Variants in EAF2 observed in about 807,000 individuals in gnomAD.
The protein encoded by EAF2 is ELL-associated factor 2.
In EAF2, 29 loss-of-function variants were observed where a neutral mutation model predicts 29.4. That is an observed-to-expected ratio of 0.99 (90% confidence interval 0.73 to 1.35). EAF2 has a LOEUF of 1.35. Among genes scored for constraint, EAF2 ranks in the 40% most tolerant of loss-of-function variants. EAF2 has a pLI of 0.00. For synonymous variants in EAF2, 103 were observed against 102.5 expected (o/e 1.00, Z -0.03); for missense variants, 292 against 312.0 (o/e 0.94, Z 0.48).
chr3:121,844,316 T>C, intron 1 of EAF2, 137 bp from the exon 2 acceptor site: 3 of 553,994 alleles, frequency 5.4e-6, no homozygotes, highest in Non-Finnish European at 9.5e-6. Context: ...TGTTTGTTCA[T>C]TTGTAATATG....
intron 5 of EAF2, among the ~76,000 whole-genome samples, chr3:121,876,689 T>A (rs914309703): frequency 6.6e-6 from 1 of 151,900 alleles, no homozygotes; most frequent in South Asian, 2.1e-4. Context: ...TTAGATAAAT[T>A]TGTAGTGAGT....
At chr3:121,841,228 G>GC (rs1265800686) in intron 1 of EAF2, among the ~76,000 whole-genome samples, 1 of 152,198 alleles carries the variant, frequency 6.6e-6, no homozygotes, top group Non-Finnish European at 1.5e-5. Context: ...GGACTACCGG[G>GC]CATGGTGGCT....
chr3:121,839,878 C>A (rs980304634), intron 1 of EAF2, among the ~76,000 whole-genome samples: 1 of 152,112 alleles, frequency 6.6e-6, no homozygotes, highest in African/African-American at 2.4e-5. Flanking sequence ...AAATTACAAT[C>A]TAATAGGACA....
intron 1 of EAF2, among the ~76,000 whole-genome samples, chr3:121,839,412 A>G (rs1365108743): frequency 2.6e-5 from 4 of 152,172 alleles, no homozygotes; most frequent in Non-Finnish European, 4.4e-5. Flanking sequence ...GCTGTAGTTA[A>G]ATGACAACCA....
chr3:121,865,487 A>G (rs1435848647), intron 4 of EAF2, among the ~76,000 whole-genome samples: 2 of 152,034 alleles, frequency 1.3e-5, no homozygotes. Flanking sequence ...CAGTTGTACT[A>G]ATATTTTTGT....
chr3:121,882,922 C>A (rs1339204244), intron 5 of EAF2, among the ~76,000 whole-genome samples: 1 of 151,726 alleles, frequency 6.6e-6, no homozygotes, highest in East Asian at 1.9e-4. Flanking sequence ...CCCAACACCC[C>A]CTTTTGTAAC....
chr3:121,882,876 A>G (rs1709215008), intron 5 of EAF2, among the ~76,000 whole-genome samples: 1 of 151,674 alleles, frequency 6.6e-6, no homozygotes, highest in Non-Finnish European at 1.5e-5. Flanking sequence ...ATCTCTGACC[A>G]TTACTGCAAT....
chr3:121,883,475 A>G (rs1470627583), intron 5 of EAF2, among the ~76,000 whole-genome samples: 1 of 152,254 alleles, frequency 6.6e-6, no homozygotes, highest in Non-Finnish European at 1.5e-5. Context: ...GTGCAAAACA[A>G]TACTTGGAAT....
rs552168953 is a variant in EAF2, at chr3:121,856,868, A to G, written c.339-143A>G. ...TTGATAAATACTTGTTAAATAATGA[A>G]CTAAATTAATGTTTTAATTATGGAA... On this transcript the variant is annotated intron_variant, in intron 3 of 5. Transcript: ENST00000273668. 9.4e-5 allele frequency: 63 copies of G among 669,892 alleles called. 2 individuals are homozygous for G. In the South Asian group the frequency reaches 1.0e-3, roughly 11 times the overall value. 41.5% of individuals were successfully genotyped at this position (669,892 alleles called of 1,614,324 possible).
rs1708584210 is a variant in EAF2 at position 121,849,180 on chromosome 3, T to C, written c.201+4633T>C. Among the ~76,000 whole-genome samples, 3 of 152,306 alleles carry C rather than the reference T, an allele frequency of 2.0e-5. No individual in the cohort carries two copies. The South Asian group carries it at 6.2e-4, about 32-fold the overall frequency. On this transcript the variant is annotated intron_variant, in intron 2 of 5. Transcript: ENST00000273668. Reference sequence around the variant, plus strand: ...TTATATGAACTTGCTTTCGTCATCCTGGTATAACTGCCTAGGAAGCTTAGA... The same window carrying C: ...TTATATGAACTTGCTTTCGTCATCCCGGTATAACTGCCTAGGAAGCTTAGA...
chr3:121,848,890 A>T (rs1708579771), intron 2 of EAF2, among the ~76,000 whole-genome samples: 1 of 151,370 alleles, frequency 6.6e-6, no homozygotes, highest in Admixed American at 6.6e-5. Flanking sequence ...CCCCCCCCAC[A>T]CAAAAAAAAG....
At chr3:121,872,220 A>T (rs1434826544) in intron 4 of EAF2, among the ~76,000 whole-genome samples, 1 of 151,836 alleles carries the variant, frequency 6.6e-6, no homozygotes, top group Non-Finnish European at 1.5e-5. Context: ...TTTCTGCCAA[A>T]ATAGATTTTA....
chr3:121,872,373 T>G (rs1709029270), intron 4 of EAF2, among the ~76,000 whole-genome samples, 164 bp from the exon 5 acceptor site: 1 of 151,974 alleles, frequency 6.6e-6, no homozygotes, highest in Non-Finnish European at 1.5e-5. Flanking sequence ...AAGTATGGCT[T>G]GATGGTAGAA....
intron 4 of EAF2, among the ~76,000 whole-genome samples, chr3:121,862,416 C>T (rs893093222): frequency 5.9e-5 from 9 of 152,146 alleles, no homozygotes; most frequent in African/African-American, 2.2e-4. Flanking sequence ...TCATTTCATT[C>T]ATTTGATCTT....
In EAF2 at chr3:121,835,404, C is replaced by A. The variant is rs761640397; in HGVS notation, c.106+13C>A. 1.6e-5 allele frequency: 25 copies of A among 1,611,840 alleles called. No individual in the cohort carries two copies. In the African/African-American group the frequency reaches 2.8e-4, roughly 18 times the overall value. On this transcript the variant is annotated intron_variant, in intron 1 of 5. Coordinates refer to ENST00000273668, the MANE Select transcript of EAF2 (RefSeq NM_018456.6). ...CACACTGTGCGCTGTGAGTGAGGAC[C>A]ATCCGGGGATAGAGGGGGAGCCTCC...
At chr3:121,865,270 TA>T (rs1211958660) in intron 4 of EAF2, among the ~76,000 whole-genome samples, 1 of 149,828 alleles carries the variant, frequency 6.7e-6, no homozygotes, top group Non-Finnish European at 1.5e-5. Flanking sequence ...AATTAAAAGT[TA>T]AAAAAAAGAA....
intron 4 of EAF2, among the ~76,000 whole-genome samples, chr3:121,869,291 C>T (rs1708973462): frequency 6.6e-6 from 1 of 152,062 alleles, no homozygotes; most frequent in Non-Finnish European, 1.5e-5. Flanking sequence ...TAATTTAAGT[C>T]CCTTTTTTAG....
chr3:121,855,416 A>G (rs1374350647), intron 3 of EAF2, among the ~76,000 whole-genome samples: 4 of 152,242 alleles, frequency 2.6e-5, no homozygotes, highest in Non-Finnish European at 5.9e-5. Flanking sequence ...GTAATGGTAG[A>G]TTGGAAAATT....
At chr3:121,881,120 G>T (rs902306906) in intron 5 of EAF2, among the ~76,000 whole-genome samples, 3 of 152,088 alleles carry the variant, frequency 2.0e-5, no homozygotes, top group South Asian at 2.1e-4. Context: ...TGTTGGATTT[G>T]GTTTGCTACT....
Sources: gnomAD v4.1 joint callset for allele counts (sites outside exome capture counted in the v4.1 genomes callset) on GRCh38, gnomAD v4.1.1 for gene constraint, MANE v1.5 for transcripts, NCBI Gene and HGNC (gene_info 2026-07-23, HGNC 2026-07-21) for gene names.